The following SPHKAP variants were observed in gnomAD, a reference collection of about 807,000 sequenced individuals.
The protein encoded by SPHKAP is A-kinase anchor protein SPHKAP.
Under a neutral mutation model 137.5 loss-of-function variants are expected in SPHKAP, and 67 were observed. That is an observed-to-expected ratio of 0.49 (90% CI 0.40 to 0.60). The LOEUF is 0.60. Among genes scored for constraint, SPHKAP ranks in the 20% least tolerant of loss-of-function variants. The pLI, the probability that SPHKAP is intolerant of heterozygous loss-of-function variation, is 0.00. For synonymous variants in SPHKAP, 813 were observed against 785.3 expected (o/e 1.04, Z -0.59); for missense variants, 2,097 against 2,069.3 (o/e 1.01, Z -0.26).
At chr2:228,101,839 C>T (rs1698190126) in intron 3 of SPHKAP, among the ~76,000 whole-genome samples, 2 of 152,146 alleles carry the variant, frequency 1.3e-5, no homozygotes, top group Admixed American at 1.3e-4. Flanking sequence ...CAACTGTGGT[C>T]ATTTCTTTAA....
chr2:228,004,238 A>C (rs1393289179), intron 7 of SPHKAP, among the ~76,000 whole-genome samples: 1 of 152,064 alleles, frequency 6.6e-6, no homozygotes, highest in East Asian at 1.9e-4. Context: ...TCAATTTCAG[A>C]GCCTGTTATT....
rs1047719423 is a variant in SPHKAP, at chr2:228,133,124, C to T, written c.33-1039G>A. ...GAGTATGAGATCAGCCTGGGCAACA[C>T]GGTGAAACTCCATCTCTCCTAAAAT... On this transcript the variant is annotated intron_variant, in intron 1 of 11. Transcript: ENST00000392056. Among the ~76,000 whole-genome samples, 5 of 151,888 alleles carry T rather than the reference C, an allele frequency of 3.3e-5. No homozygotes were observed. In the South Asian group the frequency reaches 6.2e-4, roughly 19 times the overall value.
At chr2:228,175,891 C>A (rs1163994869) in intron 1 of SPHKAP, among the ~76,000 whole-genome samples, 1 of 152,038 alleles carries the variant, frequency 6.6e-6, no homozygotes, top group Non-Finnish European at 1.5e-5. Flanking sequence ...AACTTTATCT[C>A]TGAGTTATGT....
chr2:228,113,303 C>A (rs546134166), intron 2 of SPHKAP, among the ~76,000 whole-genome samples: 1 of 152,174 alleles, frequency 6.6e-6, no homozygotes, highest in African/African-American at 2.4e-5. Flanking sequence ...AACATCCTAA[C>A]CTACACTATT....
intron 3 of SPHKAP, 50 bp from the exon 4 acceptor site, chr2:228,027,593 CTT>C: frequency 6.4e-7 from 1 of 1,572,808 alleles, no homozygotes; most frequent in Non-Finnish European, 8.7e-7. Flanking sequence ...ACCTGACTGT[CTT>C]TTTAGAAGAA....
At chr2:228,170,876 G>A (rs10179355) in intron 1 of SPHKAP, among the ~76,000 whole-genome samples, 94,175 of 151,854 alleles carry the variant, frequency 0.62, 29,727 homozygotes, top group African/African-American at 0.73. Flanking sequence ...AACAGAAAAG[G>A]TATATGCAAT....
chr2:228,015,602 C>A (rs956455461), intron 7 of SPHKAP, among the ~76,000 whole-genome samples: 3 of 152,102 alleles, frequency 2.0e-5, no homozygotes, highest in East Asian at 1.9e-4. Flanking sequence ...CTTTAAGCAG[C>A]CTCAGAGAAA....
intron 3 of SPHKAP, among the ~76,000 whole-genome samples, chr2:228,063,864 A>G (rs1696742373): frequency 6.6e-6 from 1 of 152,192 alleles, no homozygotes; most frequent in Non-Finnish European, 1.5e-5. Context: ...TCATCCTGAA[A>G]TTATGTATTT....
intron 1 of SPHKAP, among the ~76,000 whole-genome samples, chr2:228,170,960 T>C (rs1700566988): frequency 6.6e-6 from 1 of 152,116 alleles, no homozygotes; most frequent in East Asian, 1.9e-4. Flanking sequence ...ATATCATGGT[T>C]AACAACAACA....
chr2:228,024,186 A>T (rs1000197459), intron 5 of SPHKAP, among the ~76,000 whole-genome samples: 12 of 152,140 alleles, frequency 7.9e-5, no homozygotes, highest in African/African-American at 2.7e-4. Flanking sequence ...TAAGAATCCT[A>T]ACTGGGATTA....
chr2:228,031,982 C>T (rs1178871382), intron 3 of SPHKAP, among the ~76,000 whole-genome samples: 1 of 152,176 alleles, frequency 6.6e-6, no homozygotes, highest in Non-Finnish European at 1.5e-5. Flanking sequence ...CGCCTCTCCT[C>T]CTCCAAAGGA....
intron 1 of SPHKAP, among the ~76,000 whole-genome samples, chr2:228,166,695 A>T (rs1329936806): frequency 6.6e-6 from 1 of 152,192 alleles, no homozygotes; most frequent in Non-Finnish European, 1.5e-5. Flanking sequence ...ATTTTCACAC[A>T]TTTCTTCTGC....
intron 3 of SPHKAP, among the ~76,000 whole-genome samples, chr2:228,107,017 T>C (rs1698361651): frequency 6.6e-6 from 1 of 152,176 alleles, no homozygotes; most frequent in Non-Finnish European, 1.5e-5. Context: ...AGTGTATACA[T>C]TCTGGAATGG....
intron 3 of SPHKAP, among the ~76,000 whole-genome samples, chr2:228,041,592 A>G (rs948610954): frequency 6.7e-6 from 1 of 149,156 alleles, no homozygotes; most frequent in African/African-American, 2.5e-5. Context: ...GGTTGCAGTG[A>G]GCAGAGATCG....
intron 3 of SPHKAP, among the ~76,000 whole-genome samples, chr2:228,053,953 TG>T (rs532769459): frequency 1.3e-5 from 2 of 152,232 alleles, no homozygotes; most frequent in Non-Finnish European, 2.9e-5. Context: ...TAATCACCTA[TG>T]TTTAGTGCAT....
At chr2:228,002,526 A>G (rs1693949325) in intron 7 of SPHKAP, among the ~76,000 whole-genome samples, 1 of 151,856 alleles carries the variant, frequency 6.6e-6, no homozygotes, top group Non-Finnish European at 1.5e-5. Context: ...TTGCCTGTTC[A>G]CTCTGATGGT....
At chr2:228,119,572 C>T (rs1698843540) in intron 2 of SPHKAP, among the ~76,000 whole-genome samples, 2 of 149,838 alleles carry the variant, frequency 1.3e-5, no homozygotes, top group Non-Finnish European at 3.0e-5. Context: ...TACGCCATAG[C>T]AAACTTTCTG....
intron 1 of SPHKAP, among the ~76,000 whole-genome samples, chr2:228,146,456 G>A (rs1421338600): frequency 6.6e-6 from 1 of 152,172 alleles, no homozygotes; most frequent in Non-Finnish European, 1.5e-5. Flanking sequence ...GGTTGCACGT[G>A]AAGGTTTGTT....
In SPHKAP at chr2:228,001,718, G is replaced by A. The variant is rs540310667; in HGVS notation, c.4449-6024C>T. ...ATATCTCCTAATGCTATCCCTCCCC[G>A]CTCCCCGCAGCCCACAACAGGCCCT... On this transcript the variant is annotated intron_variant, in intron 7 of 11. Coordinates refer to ENST00000392056, the MANE Select transcript of SPHKAP (RefSeq NM_001142644.2). Among the ~76,000 whole-genome samples the A allele has an allele frequency of 4.8e-3, 730 of 151,410 alleles. 4 individuals carry two copies. Among genetic ancestry groups the A allele is most frequent in the Middle Eastern group, 0.017 (5 of 294 alleles).
Sources: allele counts gnomAD v4.1 joint callset (sites outside exome capture counted in the v4.1 genomes callset), GRCh38; gene constraint gnomAD v4.1.1; transcripts MANE v1.5; gene names NCBI Gene and HGNC (gene_info 2026-07-23, HGNC 2026-07-21).